EHMT1: variants seen among roughly 807,000 people sequenced by gnomAD.
EHMT1 encodes histone-lysine N-methyltransferase EHMT1.
In EHMT1, 15 loss-of-function variants were observed where a neutral mutation model predicts 147.2. The observed-to-expected ratio is 0.10, with a 90% CI of 0.07 to 0.16. The LOEUF is 0.16. Among genes scored for constraint, EHMT1 ranks in the 10% least tolerant of loss-of-function variants. The pLI, the probability that EHMT1 is intolerant of heterozygous loss-of-function variation, is 1.00. For missense variants in EHMT1, 1,587 were observed against 1,772.4 expected (o/e 0.90, Z 1.88); for synonymous variants, 795 against 709.6 (o/e 1.12, Z -1.91).
chr9:137,743,316 G>C, intron 4 of EHMT1, 55 bp from the exon 5 acceptor site: 1 of 1,528,240 alleles, frequency 6.5e-7, no homozygotes, highest in Non-Finnish European at 8.7e-7. Flanking sequence ...AAAAACATTT[G>C]AATGGTGTTT....
intron 1 of EHMT1, among the ~76,000 whole-genome samples, chr9:137,685,867 T>A (rs1264481040): frequency 6.6e-6 from 1 of 152,256 alleles, no homozygotes; most frequent in Admixed American, 6.5e-5. Context: ...TGTTTGCATA[T>A]CTTTGGAGAA....
intron 4 of EHMT1, among the ~76,000 whole-genome samples, chr9:137,737,752 C>T (rs141802445): frequency 2.6e-5 from 4 of 152,032 alleles, no homozygotes; most frequent in Admixed American, 6.5e-5. Context: ...CTTGGCTAGT[C>T]GTAAAGAAAA....
chr9:137,804,795 G>T (rs756082779), intron 18 of EHMT1, among the ~76,000 whole-genome samples: 4 of 151,924 alleles, frequency 2.6e-5, no homozygotes, highest in Non-Finnish European at 5.9e-5. Context: ...TTGGCTTATG[G>T]ATGCCTAGTT....
chr9:137,781,361 TGTG>T (rs1224619177), intron 14 of EHMT1, among the ~76,000 whole-genome samples: 7 of 148,956 alleles, frequency 4.7e-5, no homozygotes, highest in South Asian at 2.2e-4. Context: ...CGCTGAGACG[TGTG>T]GTGATGACGC....
intron 16 of EHMT1, among the ~76,000 whole-genome samples, chr9:137,797,820 A>C (rs1953086089): frequency 6.6e-6 from 1 of 151,950 alleles, no homozygotes; most frequent in South Asian, 2.1e-4. Context: ...AGACAGGAAC[A>C]GGGGAGCAAA....
At chr9:137,742,308 TG>T (rs1948166086) in intron 4 of EHMT1, among the ~76,000 whole-genome samples, 1 of 150,934 alleles carries the variant, frequency 6.6e-6, no homozygotes, top group Non-Finnish European at 1.5e-5. Flanking sequence ...TGTGTGTGTG[TG>T]TGTGTGTGTG....
chr9:137,832,068 C>T (rs559632176), intron 25 of EHMT1, among the ~76,000 whole-genome samples: 4 of 151,626 alleles, frequency 2.6e-5, no homozygotes, highest in South Asian at 2.1e-4. Context: ...CCACAGGCTC[C>T]GCCTCCTACG....
chr9:137,640,016 C>T (rs917224019), intron 1 of EHMT1, among the ~76,000 whole-genome samples: 2 of 152,128 alleles, frequency 1.3e-5, no homozygotes, highest in African/African-American at 4.8e-5. Context: ...CTCACCGTAA[C>T]CTCTGCCTCC....
intron 3 of EHMT1, among the ~76,000 whole-genome samples, chr9:137,718,325 C>G (rs986754508): frequency 6.6e-6 from 1 of 152,250 alleles, no homozygotes; most frequent in African/African-American, 2.4e-5. Context: ...TTTTAGTGTG[C>G]TCTCTCAGTT....
At chr9:137,630,225 G>A (rs927926666) in intron 1 of EHMT1, among the ~76,000 whole-genome samples, 1 of 152,172 alleles carries the variant, frequency 6.6e-6, no homozygotes, top group African/African-American at 2.4e-5. Context: ...CTAGGTATTT[G>A]TAAGAGGACA....
rs575509797 is a variant in EHMT1, at chr9:137,652,119, G to C, written c.21+33070G>C. ...CTTCAGGAGGAGTCTAGAAGACACT[G>C]TTACCATAGGAGATGACGGCTCCAT... On this transcript the variant is annotated intron_variant, in intron 1 of 26. Transcript: ENST00000460843. Among the ~76,000 whole-genome samples, 4 of 152,320 alleles carry C rather than the reference G, an allele frequency of 2.6e-5. No homozygotes were observed. The South Asian group carries it at 8.3e-4, about 32-fold the overall frequency.
At chr9:137,715,410 G>A (rs1020929280) in intron 2 of EHMT1, among the ~76,000 whole-genome samples, 4 of 152,206 alleles carry the variant, frequency 2.6e-5, no homozygotes, top group African/African-American at 9.7e-5. Flanking sequence ...GGGTACACTG[G>A]TAAACAGACA....
intron 14 of EHMT1, 127 bp downstream of exon 14, chr9:137,779,844 G>A: frequency 9.9e-7 from 1 of 1,010,400 alleles, no homozygotes; most frequent in Non-Finnish European, 1.5e-6. Flanking sequence ...GTGTCTCCGA[G>A]TTCTCTGATG....
chr9:137,822,829 G>C (rs982482064), intron 25 of EHMT1, among the ~76,000 whole-genome samples: 54 of 151,472 alleles, frequency 3.6e-4, no homozygotes, highest in Middle Eastern at 6.8e-3. Flanking sequence ...GGAGGTGGAG[G>C]TTGCAGTGAG....
At chr9:137,675,028 C>G (rs1302478476) in intron 1 of EHMT1, 1 of 152,072 alleles carries the variant, frequency 6.6e-6, no homozygotes, top group Non-Finnish European at 1.5e-5. Flanking sequence ...ATTTTTACAA[C>G]TTAAAAAATT....
intron 14 of EHMT1, among the ~76,000 whole-genome samples, chr9:137,781,303 CGGCATCACTGAGAT>C (rs1951510634): frequency 9.6e-5 from 11 of 114,034 alleles, no homozygotes; most frequent in Non-Finnish European, 1.4e-4. Flanking sequence ...GTGGTGATGA[CGGCATCACTGAGAT>C]GTGTGGTGAT....
chr9:137,650,095 TTTTA>T (rs1409491283), intron 1 of EHMT1, among the ~76,000 whole-genome samples: 1 of 151,994 alleles, frequency 6.6e-6, no homozygotes, highest in Non-Finnish European at 1.5e-5. Flanking sequence ...ACACTTGTTA[TTTTA>T]TTTATTTATT....
intron 1 of EHMT1, among the ~76,000 whole-genome samples, chr9:137,656,776 A>G (rs1183357760): frequency 2.0e-5 from 3 of 151,356 alleles, no homozygotes; most frequent in Admixed American, 6.6e-5. Flanking sequence ...GCGTCTCGCT[A>G]TTCCCCCAGG....
chr9:137,702,209 A>C (rs1024066813), intron 1 of EHMT1, among the ~76,000 whole-genome samples: 1 of 152,194 alleles, frequency 6.6e-6, no homozygotes, highest in Non-Finnish European at 1.5e-5. Context: ...TCCTTCTCAC[A>C]TTTCAAAACA....
Sources: allele counts gnomAD v4.1 joint callset (sites outside exome capture counted in the v4.1 genomes callset), GRCh38; gene constraint gnomAD v4.1.1; transcripts MANE v1.5; gene names NCBI Gene and HGNC (gene_info 2026-07-23, HGNC 2026-07-21).